GNAQ: variants seen among roughly 807,000 people sequenced by gnomAD.
GNAQ encodes G protein subunit alpha q, also known as guanine nucleotide-binding protein G(q) subunit alpha.
Under a neutral mutation model 43.9 loss-of-function variants are expected in GNAQ, and 8 were observed. The observed-to-expected ratio is 0.18, with a 90% CI of 0.11 to 0.33. GNAQ has a LOEUF of 0.33. Among genes scored for constraint, GNAQ ranks in the 10% least tolerant of loss-of-function variants. The pLI, the probability that GNAQ is intolerant of heterozygous loss-of-function variation, is 1.00. For missense variants in GNAQ, 158 were observed against 450.8 expected (o/e 0.35, Z 5.88); for synonymous variants, 155 against 170.7 (o/e 0.91, Z 0.71).
intron 1 of GNAQ, among the ~76,000 whole-genome samples, chr9:78,006,165 C>T (rs1042603192): frequency 2.0e-5 from 3 of 152,138 alleles, no homozygotes; most frequent in Non-Finnish European, 4.4e-5. Flanking sequence ...ATTTGAGGGA[C>T]TTAGTGCAGG....
intron 2 of GNAQ, among the ~76,000 whole-genome samples, chr9:77,844,692 G>A (rs1827550721): frequency 1.3e-5 from 2 of 151,662 alleles, no homozygotes; most frequent in South Asian, 2.1e-4. Flanking sequence ...TTTTTTTTGA[G>A]ATGGAGTTTC....
intron 1 of GNAQ, among the ~76,000 whole-genome samples, chr9:78,006,565 C>A (rs1413731097): frequency 6.6e-6 from 1 of 152,222 alleles, no homozygotes; most frequent in Non-Finnish European, 1.5e-5. Flanking sequence ...TTCCAAGCAT[C>A]ATTCAAACTA....
intron 5 of GNAQ, among the ~76,000 whole-genome samples, chr9:77,770,972 A>C (rs972142398): frequency 3.3e-5 from 5 of 152,122 alleles, no homozygotes; most frequent in African/African-American, 4.8e-5. Context: ...AAATATTTTC[A>C]GATCATGAAA....
intron 5 of GNAQ, among the ~76,000 whole-genome samples, chr9:77,779,264 G>T (rs943382836): frequency 2.0e-5 from 3 of 151,748 alleles, no homozygotes; most frequent in Non-Finnish European, 4.4e-5. Context: ...ATAACCAAAA[G>T]ATAACTGGGA....
At chr9:77,964,167 G>C (rs144190852) in intron 1 of GNAQ, among the ~76,000 whole-genome samples, 1 of 152,116 alleles carries the variant, frequency 6.6e-6, no homozygotes, top group East Asian at 1.9e-4. Context: ...AATATTATCA[G>C]AAATAAAAAC....
At chr9:78,012,877 AAAAT>A (rs1190234536) in intron 1 of GNAQ, among the ~76,000 whole-genome samples, 10 of 152,236 alleles carry the variant, frequency 6.6e-5, no homozygotes, top group Admixed American at 3.3e-4. Flanking sequence ...AGAAAGTGTG[AAAAT>A]AAATAAACTC....
At chr9:78,024,291 C>T (rs1158081718) in intron 1 of GNAQ, among the ~76,000 whole-genome samples, 1 of 152,058 alleles carries the variant, frequency 6.6e-6, no homozygotes, top group Non-Finnish European at 1.5e-5. Context: ...CGCCCGGTGG[C>T]CCACAAAACA....
chr9:77,729,219 T>C (rs1487252257), intron 5 of GNAQ, among the ~76,000 whole-genome samples: 1 of 152,166 alleles, frequency 6.6e-6, no homozygotes, highest in Non-Finnish European at 1.5e-5. Flanking sequence ...ACATGGAAAA[T>C]GTTGTAAGAT....
chr9:77,885,193 T>G (rs1587386509), intron 2 of GNAQ, among the ~76,000 whole-genome samples: 1 of 152,108 alleles, frequency 6.6e-6, no homozygotes, highest in African/African-American at 2.4e-5. Context: ...GTTGTGGTCT[T>G]TTTTGGAACC....
intron 1 of GNAQ, among the ~76,000 whole-genome samples, chr9:77,989,667 G>C (rs1180323256): frequency 1.3e-5 from 2 of 152,212 alleles, no homozygotes; most frequent in South Asian, 4.1e-4. Flanking sequence ...TGCAGCCAGG[G>C]CCCTGAGCTG....
chr9:77,976,117 A>G (rs1366414868), intron 1 of GNAQ, among the ~76,000 whole-genome samples: 2 of 152,158 alleles, frequency 1.3e-5, no homozygotes, highest in Non-Finnish European at 2.9e-5. Flanking sequence ...TTCTGATTCC[A>G]TTTACTATCC....
chr9:77,867,635 C>G (rs1042171585), intron 2 of GNAQ, among the ~76,000 whole-genome samples: 12 of 152,172 alleles, frequency 7.9e-5, no homozygotes, highest in African/African-American at 2.9e-4. Flanking sequence ...GGCTTAAACC[C>G]AGGCACCAAT....
chr9:77,818,007 AAAAAACAAAAAC>A (rs994828034), intron 2 of GNAQ, among the ~76,000 whole-genome samples: 3 of 152,138 alleles, frequency 2.0e-5, no homozygotes, highest in Admixed American at 2.0e-4. Flanking sequence ...CAAAAAACAA[AAAAAACAAAAAC>A]AAAAACAAAA....
chr9:77,889,531 C>A lies in GNAQ; in HGVS notation c.321+32630G>T, dbSNP rs1828368071. ...GCATCTTGCTTTTGTCTGTAAATTGCAGGGTTTTCAGAATATTCTCAAAGA... is the reference window on the plus strand; with the variant it reads ...GCATCTTGCTTTTGTCTGTAAATTGAAGGGTTTTCAGAATATTCTCAAAGA... On this transcript the variant is annotated intron_variant, in intron 2 of 6. Coordinates refer to ENST00000286548, the MANE Select transcript of GNAQ (RefSeq NM_002072.5). 3.4e-5 allele frequency among the ~76,000 whole-genome samples: 5 copies of A among 148,068 alleles called. No homozygotes were observed. In the South Asian group the frequency reaches 1.1e-3, roughly 32 times the overall value.
chr9:77,776,900 C>A (rs1826313702), intron 5 of GNAQ, among the ~76,000 whole-genome samples: 1 of 148,054 alleles, frequency 6.8e-6, no homozygotes, highest in Admixed American at 6.8e-5. Flanking sequence ...ACAAGCTGAT[C>A]TTAAAATTTA....
chr9:77,978,574 T>C (rs746026074), intron 1 of GNAQ, among the ~76,000 whole-genome samples: 2 of 152,202 alleles, frequency 1.3e-5, no homozygotes, highest in African/African-American at 4.8e-5. Context: ...GATTAACCAA[T>C]AAACTATTTA....
chr9:77,742,864 T>C (rs968302451), intron 5 of GNAQ, among the ~76,000 whole-genome samples: 11 of 152,150 alleles, frequency 7.2e-5, no homozygotes, highest in African/African-American at 2.7e-4. Context: ...CATGGACAAA[T>C]GCCAGTGATT....
At chr9:77,842,506 G>A (rs529911883) in intron 2 of GNAQ, among the ~76,000 whole-genome samples, 19 of 152,262 alleles carry the variant, frequency 1.2e-4, no homozygotes, top group Non-Finnish European at 2.6e-4. Flanking sequence ...CATTGTTTTA[G>A]AAAAAAGATA....
At chr9:77,944,762 T>G (rs1475078488) in intron 1 of GNAQ, among the ~76,000 whole-genome samples, 1 of 152,242 alleles carries the variant, frequency 6.6e-6, no homozygotes, top group Non-Finnish European at 1.5e-5. Context: ...GATGACACAC[T>G]GCCTCTTTAA....
Sources: gnomAD v4.1 joint callset for allele counts (sites outside exome capture counted in the v4.1 genomes callset) on GRCh38, gnomAD v4.1.1 for gene constraint, MANE v1.5 for transcripts, NCBI Gene and HGNC (gene_info 2026-07-23, HGNC 2026-07-21) for gene names.